NCK2: variants seen among roughly 807,000 people sequenced by gnomAD.
NCK2 encodes the protein NCK adaptor protein 2.
Under a neutral mutation model 33.9 loss-of-function variants are expected in NCK2, and 16 were observed. That is an observed-to-expected ratio of 0.47 (90% CI 0.32 to 0.72). The LOEUF is 0.72. Ranked by LOEUF, NCK2 falls within the 30% of genes least tolerant of loss-of-function variation. The probability of loss-of-function intolerance (pLI) is 0.03; values close to 1 mark genes in which losing one functional copy is unlikely to be tolerated. For missense variants in NCK2, 418 were observed against 537.3 expected (o/e 0.78, Z 2.19); for synonymous variants, 273 against 239.9 (o/e 1.14, Z -1.27).
intron 2 of NCK2, among the ~76,000 whole-genome samples, chr2:105,829,619 A>T (rs150565996): frequency 6.6e-6 from 1 of 152,222 alleles, no homozygotes; most frequent in South Asian, 2.1e-4. Flanking sequence ...AAGTCCCCCA[A>T]TTGAGAGTTG....
chr2:105,834,504 T>C (rs1013931065), intron 2 of NCK2, among the ~76,000 whole-genome samples: 2 of 151,818 alleles, frequency 1.3e-5, no homozygotes, highest in African/African-American at 2.4e-5. Flanking sequence ...CTGTGGAAGA[T>C]TTTTTTTTCA....
At chr2:105,842,602 A>G (rs746819868) in intron 2 of NCK2, among the ~76,000 whole-genome samples, 19 of 152,040 alleles carry the variant, frequency 1.2e-4, no homozygotes, top group Non-Finnish European at 2.6e-4. Flanking sequence ...CTGACTCTTG[A>G]GTTATAGCCA....
intron 1 of NCK2, among the ~76,000 whole-genome samples, chr2:105,801,665 C>T (rs1369119867): frequency 1.3e-5 from 2 of 151,810 alleles, no homozygotes; most frequent in Admixed American, 6.6e-5. Flanking sequence ...AGAGCAGCCT[C>T]GGGATTGTTC....
At chr2:105,869,717 T>A (rs377077909) in intron 3 of NCK2, among the ~76,000 whole-genome samples, 25 of 152,352 alleles carry the variant, frequency 1.6e-4, no homozygotes, top group African/African-American at 5.5e-4. Flanking sequence ...TGTCTCATCC[T>A]TGCCGCGTCT....
intron 3 of NCK2, among the ~76,000 whole-genome samples, chr2:105,867,667 C>G (rs1195514493): frequency 6.6e-6 from 1 of 152,130 alleles, no homozygotes; most frequent in African/African-American, 2.4e-5. Context: ...GTGTGGGATT[C>G]ACATTGCTGT....
intron 3 of NCK2, among the ~76,000 whole-genome samples, chr2:105,859,613 C>G (rs1286878883): frequency 6.6e-6 from 1 of 152,216 alleles, no homozygotes; most frequent in Non-Finnish European, 1.5e-5. Context: ...TGAGCTGATG[C>G]TTTTGGATGG....
intron 3 of NCK2, among the ~76,000 whole-genome samples, chr2:105,866,440 G>A (rs1362651687): frequency 6.6e-6 from 1 of 152,172 alleles, no homozygotes; most frequent in African/African-American, 2.4e-5. Flanking sequence ...AAACTTTTTG[G>A]CACCAGGAAC....
At chr2:105,770,866 G>A (rs1690112758) in intron 1 of NCK2, among the ~76,000 whole-genome samples, 1 of 152,152 alleles carries the variant, frequency 6.6e-6, no homozygotes, top group Non-Finnish European at 1.5e-5. Context: ...TCAATCTTCA[G>A]TGTTTGGCAA....
intron 2 of NCK2, among the ~76,000 whole-genome samples, chr2:105,830,670 G>GGGGTGT (rs377563718): frequency 4.5e-4 from 45 of 99,058 alleles, no homozygotes; most frequent in Admixed American, 7.7e-4. Context: ...CCAGGAATTT[G>GGGGTGT]GTGTGTGTGT....
At chr2:105,760,696 T>G (rs540023741) in intron 1 of NCK2, among the ~76,000 whole-genome samples, 1 of 151,938 alleles carries the variant, frequency 6.6e-6, no homozygotes, top group Non-Finnish European at 1.5e-5. Flanking sequence ...GAGAAACCAG[T>G]TACAGCTGAG....
intron 3 of NCK2, among the ~76,000 whole-genome samples, chr2:105,857,382 G>C (rs1446320361): frequency 6.6e-6 from 1 of 152,282 alleles, no homozygotes; most frequent in Admixed American, 6.5e-5. Flanking sequence ...CTGGAGCGCA[G>C]CGTCGGTTCG....
At chr2:105,879,367 G>A (rs1558883600) in intron 3 of NCK2, among the ~76,000 whole-genome samples, 2 of 152,206 alleles carry the variant, frequency 1.3e-5, no homozygotes, top group African/African-American at 2.4e-5. Context: ...TTCATGGATG[G>A]CCTGCCTTCT....
intron 2 of NCK2, among the ~76,000 whole-genome samples, chr2:105,833,317 G>A (rs776465585): frequency 1.3e-4 from 20 of 151,986 alleles, no homozygotes; most frequent in Non-Finnish European, 1.3e-4. Flanking sequence ...GGCTGATCTC[G>A]AACTCCGGGC....
At chr2:105,784,828 G>A (rs1376431080) in intron 1 of NCK2, among the ~76,000 whole-genome samples, 3 of 152,194 alleles carry the variant, frequency 2.0e-5, no homozygotes, top group African/African-American at 7.2e-5. Context: ...TGCACAAAGA[G>A]TGTGTCCTCA....
At chr2:105,844,569 A>G in intron 2 of NCK2, among the ~76,000 whole-genome samples, 1 of 128,260 alleles carries the variant, frequency 7.8e-6, no homozygotes, top group South Asian at 2.6e-4. Flanking sequence ...AAAAGTAGAA[A>G]AAAACAAAAA....
At chr2:105,840,304 C>G (rs547749672) in intron 2 of NCK2, among the ~76,000 whole-genome samples, 1 of 152,164 alleles carries the variant, frequency 6.6e-6, no homozygotes, top group Non-Finnish European at 1.5e-5. Flanking sequence ...GGCACCCAGA[C>G]AGCTCACCCC....
chr2:105,763,161 G>A (rs142104933), intron 1 of NCK2, among the ~76,000 whole-genome samples: 2,868 of 152,220 alleles, frequency 0.019, 48 homozygotes, highest in Non-Finnish European at 0.022. Flanking sequence ...TCATGCCACC[G>A]CACTCCAGCC....
chr2:105,762,174 GCA>G (rs1689785053), intron 1 of NCK2, among the ~76,000 whole-genome samples: 2 of 152,190 alleles, frequency 1.3e-5, no homozygotes, highest in African/African-American at 4.8e-5. Flanking sequence ...CTTGTGAGAA[GCA>G]CAGTTTCTGT....
At chr2:105,782,947 A>G (rs144803647) in intron 1 of NCK2, among the ~76,000 whole-genome samples, 2,861 of 152,228 alleles carry the variant, frequency 0.019, 53 homozygotes, top group Non-Finnish European at 0.022. Flanking sequence ...TGGCAGCCTC[A>G]CCTTTATTTC....
Sources: allele counts gnomAD v4.1 joint callset (sites outside exome capture counted in the v4.1 genomes callset), GRCh38; gene constraint gnomAD v4.1.1; transcripts MANE v1.5; gene names NCBI Gene and HGNC (gene_info 2026-07-23, HGNC 2026-07-21).